ACOT7: variants seen among roughly 807,000 people sequenced by gnomAD.
The protein encoded by ACOT7 is cytosolic acyl coenzyme A thioester hydrolase.
In ACOT7, 12 loss-of-function variants were observed where a neutral mutation model predicts 40.2. That is an observed-to-expected ratio of 0.30 (90% confidence interval 0.19 to 0.48). The LOEUF is 0.48. Among genes scored for constraint, ACOT7 ranks in the 20% least tolerant of loss-of-function variants. The probability of loss-of-function intolerance (pLI) is 0.99; values close to 1 mark genes in which losing one functional copy is unlikely to be tolerated. For synonymous variants in ACOT7, 228 were observed against 219.5 expected, an observed-to-expected ratio of 1.04 and a Z score of -0.34; for missense variants, 395 against 530.8, an observed-to-expected ratio of 0.74 and a Z score of 2.51.
At chr1:6,304,948 T>G (rs1433793417) in intron 6 of ACOT7, among the ~76,000 whole-genome samples, 546 of 120,690 alleles carry the variant, frequency 4.5e-3, no homozygotes, top group African/African-American at 0.011. Context: ...GCAGAGGGGC[T>G]CCTCACTTCC....
intron 5 of ACOT7, 61 bp from the exon 6 acceptor site, chr1:6,318,639 C>A: frequency 1.3e-6 from 2 of 1,551,762 alleles, no homozygotes; most frequent in South Asian, 2.3e-5. Flanking sequence ...GCTGAATGGT[C>A]TGGCAATGCC....
At chr1:6,307,733 C>CGGGGGAACTGCAACAGGCG (rs1640197960) in intron 6 of ACOT7, among the ~76,000 whole-genome samples, 1 of 149,824 alleles carries the variant, frequency 6.7e-6, no homozygotes, top group East Asian at 2.0e-4. Flanking sequence ...CACGACCAGG[C>CGGGGGAACTGCAACAGGCG]GGGGGAACTG....
chr1:6,349,689 G>A (rs1002620373), intron 2 of ACOT7, 60 bp downstream of exon 2: 2 of 1,525,834 alleles, frequency 1.3e-6, no homozygotes, highest in Non-Finnish European at 8.9e-7. Flanking sequence ...GGGAACTCCT[G>A]TCCTGAACTC....
chr1:6,318,547 G>A lies in ACOT7; in HGVS notation c.657C>T (p.Ser219=), dbSNP rs113562488. The change falls in exon 6 of 9, where the codon AGC becomes AGT. Residue 219 remains serine (S), a synonymous_variant. Transcript: ENST00000361521. Reference sequence around the variant, plus strand: ...CTGAAGGCCCCACCAGGTGGATCAAGCTGGACTGGCTGTAGCTGACAGTGT... The same window carrying A: ...CTGAAGGCCCCACCAGGTGGATCAAACTGGACTGGCTGTAGCTGACAGTGT... The part of the protein sequence containing the change: ...EPNTVSYSQS[S]LIHLVGPSDC... The A allele has an allele frequency of 6.0e-4, 976 of 1,614,216 alleles. 7 individuals carry two copies. The African/African-American group carries it at 0.012, about 19-fold the overall frequency.
intron 3 of ACOT7, 114 bp from the exon 4 acceptor site, chr1:6,333,682 C>T (rs1641023016): frequency 1.0e-6 from 1 of 970,086 alleles, no homozygotes; most frequent in Non-Finnish European, 1.6e-6. Context: ...TGAAACACAC[C>T]ACAGTGTGCA....
chr1:6,349,001 C>A (rs1641512654), intron 2 of ACOT7, among the ~76,000 whole-genome samples: 1 of 152,198 alleles, frequency 6.6e-6, no homozygotes, highest in Non-Finnish European at 1.5e-5. Context: ...GCTGACCGAG[C>A]CCCATAGTGC....
At position 6,278,979 on chromosome 1, in the gene ACOT7, C is replaced by A. The variant is rs1403558901; in HGVS notation, c.1014+2123G>T. 2.0e-5 allele frequency among the ~76,000 whole-genome samples: 3 copies of A among 152,248 alleles called. No homozygotes were observed. In the South Asian group the frequency reaches 6.2e-4, roughly 32 times the overall value. On this transcript the variant is annotated intron_variant, in intron 8 of 8. Coordinates refer to ENST00000361521, the MANE Select transcript of ACOT7 (RefSeq NM_007274.4). This position sits in a 1 kb window ranked among gnomAD's most constrained non-coding sequence, Gnocchi z 4.1. ...TAGGGGGCGGGGAAGGAGAGAGCTTCGGAAATGTGCCTGGGTCAGGTGGGG... is the reference window on the plus strand; with the variant it reads ...TAGGGGGCGGGGAAGGAGAGAGCTTAGGAAATGTGCCTGGGTCAGGTGGGG...
intron 1 of ACOT7, among the ~76,000 whole-genome samples, chr1:6,388,192 T>A (rs1253819548): frequency 6.6e-6 from 1 of 151,788 alleles, no homozygotes. Flanking sequence ...CACTGCAAGC[T>A]CCGCCTCCCG....
intron 2 of ACOT7, among the ~76,000 whole-genome samples, chr1:6,341,616 C>A (rs1641279743): frequency 6.6e-6 from 1 of 152,148 alleles, no homozygotes; most frequent in Non-Finnish European, 1.5e-5. Flanking sequence ...GTGGTGGGTG[C>A]CTGTAGTCCC....
chr1:6,305,144 C>A (rs1397851154), intron 6 of ACOT7, among the ~76,000 whole-genome samples: 2 of 147,022 alleles, frequency 1.4e-5, no homozygotes, highest in Non-Finnish European at 3.0e-5. Context: ...CCAGTAGGGG[C>A]GGCCGGGCAG....
At position 6,338,553 on chromosome 1, in the gene ACOT7, C is replaced by A. The variant is rs988082718; in HGVS notation, c.418+880G>T. Among the ~76,000 whole-genome samples the A allele has an allele frequency of 1.3e-5, 2 of 152,210 alleles. No individual in the cohort carries two copies. Among genetic ancestry groups the A allele is most frequent in the African/African-American group, 4.8e-5 (2 of 41,460 alleles). ...ACCTGCCGGAGCTGGGCTGACACAG[C>A]CATTCTAATCAACCCTGCTGAGGTC... On this transcript the variant is annotated intron_variant, in intron 3 of 8. Transcript: ENST00000361521. The surrounding 1 kb of genome is among the most constrained non-coding windows in gnomAD (Gnocchi z 4.4).
intron 5 of ACOT7, among the ~76,000 whole-genome samples, chr1:6,326,562 G>A (rs1279810240): frequency 6.6e-6 from 1 of 152,190 alleles, no homozygotes; most frequent in Non-Finnish European, 1.5e-5. Context: ...CAGTGGGGCC[G>A]GGAAGAAGTG....
chr1:6,357,118 T>C (rs1641767346), intron 1 of ACOT7, among the ~76,000 whole-genome samples: 1 of 151,650 alleles, frequency 6.6e-6, no homozygotes, highest in Non-Finnish European at 1.5e-5. Context: ...ATGCCTGTAA[T>C]CCCAGCTACC....
chr1:6,287,077 C>T (rs1055001919), intron 7 of ACOT7, among the ~76,000 whole-genome samples: 2 of 152,268 alleles, frequency 1.3e-5, no homozygotes, highest in Non-Finnish European at 2.9e-5. Context: ...TGAGCCACCG[C>T]GCCCAGCTTA....
chr1:6,347,923 T>C (rs1477469478), intron 2 of ACOT7, among the ~76,000 whole-genome samples: 1 of 152,118 alleles, frequency 6.6e-6, no homozygotes, highest in Non-Finnish European at 1.5e-5. Flanking sequence ...AGTGACAGCA[T>C]CACCCTCTGG....
Position 6,264,480 on chromosome 1 carries a change from GACA to G in ACOT7, c.*114_*116del. On this transcript the variant is annotated 3_prime_UTR_variant, in exon 9 of 9. Coordinates refer to ENST00000361521, the MANE Select transcript of ACOT7 (RefSeq NM_007274.4). ...TTAACACTGTGATACGAAAACTTCAGACAACACCAGCTCTCAATGTGAATTGGG... is the reference window on the plus strand; with the variant it reads ...TTAACACTGTGATACGAAAACTTCAGACACCAGCTCTCAATGTGAATTGGG... 2 of 918,888 alleles carry G rather than the reference GACA, an allele frequency of 2.2e-6. No homozygotes were observed. The highest frequency in any genetic ancestry group is 1.6e-6 in the Non-Finnish European group (1 of 615,340). The allele number at this position is 918,888 out of a possible 1,614,324, so 56.9% of individuals were successfully genotyped here.
rs1486205881 is a variant in ACOT7 at position 6,306,186 on chromosome 1, AGGGAGAGGGAGACCGTG to A, written c.713-11223_713-11207del. The A allele has an allele frequency of 1.1e-6, 1 of 882,466 alleles. No individual in the cohort carries two copies. Among genetic ancestry groups the A allele is most frequent in the Non-Finnish European group, 1.3e-6 (1 of 761,622 alleles). 54.7% of individuals were successfully genotyped at this position (882,466 alleles called of 1,614,324 possible). ...CATCAGAGGGAGACCGTGGCAAGAG[AGGGAGAGGGAGACCGTG>A]GGGAGAGGGGGAGGGGGAGGGGGAG... On this transcript the variant is annotated intron_variant, in intron 6 of 8. Coordinates refer to ENST00000361521, the MANE Select transcript of ACOT7 (RefSeq NM_007274.4). This position sits in a 1 kb window ranked among gnomAD's most constrained non-coding sequence, Gnocchi z 4.3.
In ACOT7 at chr1:6,338,427, C is replaced by T. The variant is rs797006405; in HGVS notation, c.418+1006G>A. Among the ~76,000 whole-genome samples the T allele has an allele frequency of 6.6e-6, 1 of 152,192 alleles. No individual in the cohort carries two copies. Among genetic ancestry groups the T allele is most frequent in the African/African-American group, 2.4e-5 (1 of 41,444 alleles). Reference sequence around the variant, plus strand: ...CTGGGCCACATCCTGAGACCAGCATCCAGGGTCCCTCTGATGTCAGAGGTG... The same window carrying T: ...CTGGGCCACATCCTGAGACCAGCATTCAGGGTCCCTCTGATGTCAGAGGTG... On this transcript the variant is annotated intron_variant, in intron 3 of 8. Transcript: ENST00000361521. This position sits in a 1 kb window ranked among gnomAD's most constrained non-coding sequence, Gnocchi z 4.4.
chr1:6,315,534 G>A (rs922025197), intron 6 of ACOT7, among the ~76,000 whole-genome samples: 1 of 151,956 alleles, frequency 6.6e-6, no homozygotes, highest in Non-Finnish European at 1.5e-5. Context: ...GGCAGATCAC[G>A]GGGTCAGGAG....
Sources: gnomAD v4.1 joint callset for allele counts (sites outside exome capture counted in the v4.1 genomes callset) on GRCh38, gnomAD v4.1.1 for gene constraint, Gnocchi (gnomAD v3.1) non-coding constraint, MANE v1.5 for transcripts, NCBI Gene and HGNC (gene_info 2026-07-23, HGNC 2026-07-21) for gene names.